GOLM1: variants seen among roughly 807,000 people sequenced by gnomAD.
The protein encoded by GOLM1 is golgi membrane protein 1, also known as epididymis luminal protein 46.
GOLM1 carries 31 observed loss-of-function variants against 50.5 expected under a neutral mutation model. That is an observed-to-expected ratio of 0.61 (90% confidence interval 0.46 to 0.83). GOLM1 has a LOEUF of 0.83. Among genes scored for constraint, GOLM1 ranks in the 40% least tolerant of loss-of-function variants. The pLI is 0.00. For synonymous variants in GOLM1, 178 were observed against 192.8 expected (o/e 0.92, Z 0.64); for missense variants, 491 against 501.3 (o/e 0.98, Z 0.20).
rs915133258 is a variant in GOLM1 at position 86,026,941 on chromosome 9, A to G, written c.*876T>C. The G allele has an allele frequency of 8.1e-6, 8 of 985,128 alleles. No homozygotes were observed. Among genetic ancestry groups the G allele is most frequent in the Non-Finnish European group, 9.6e-6 (8 of 829,794 alleles). 61.0% of individuals were successfully genotyped at this position (985,128 alleles called of 1,614,324 possible). A position where few individuals can be genotyped will look rare whatever the true frequency, so the allele number is the denominator to read the frequency against. The stretch of plus-strand genomic sequence containing the variant: ...TTGTTTTCTTTTACTCCAGTAATAA[A>G]GTAGGCACAGATCTGTCCACAACAA... On this transcript the variant is annotated 3_prime_UTR_variant, in exon 10 of 10. Coordinates refer to ENST00000388712, the MANE Select transcript of GOLM1 (RefSeq NM_016548.4).
At chr9:86,031,492 A>G (rs1587692118) in intron 9 of GOLM1, among the ~76,000 whole-genome samples, 1 of 105,758 alleles carries the variant, frequency 9.5e-6, no homozygotes, top group Admixed American at 1.5e-4. Context: ...ACGGAGTTTC[A>G]CTCTTCTTGC....
intron 3 of GOLM1, among the ~76,000 whole-genome samples, chr9:86,060,541 A>T (rs1457647492): frequency 6.6e-6 from 1 of 152,126 alleles, no homozygotes; most frequent in Non-Finnish European, 1.5e-5. Flanking sequence ...AGTCCAGTCC[A>T]CAAGCCCCTA....
rs532463555 is a variant in GOLM1 at position 86,094,382 on chromosome 9, T to C, written c.-22+5029A>G. Among the ~76,000 whole-genome samples the C allele has an allele frequency of 1.9e-4, 29 of 152,332 alleles. 1 individual carries two copies. In the South Asian group the frequency reaches 5.0e-3, roughly 26 times the overall value. ...ATTGGGATTAAATGACCAAGGTCAC[T>C]GTGTTCTGCTTAAATTGCTTTAAAA... On this transcript the variant is annotated intron_variant, in intron 1 of 9. Coordinates refer to ENST00000388712, the MANE Select transcript of GOLM1 (RefSeq NM_016548.4).
intron 3 of GOLM1, 90 bp from the exon 4 acceptor site, chr9:86,052,681 C>T (rs1833795022): frequency 1.0e-5 from 11 of 1,058,774 alleles, no homozygotes; most frequent in Middle Eastern, 2.0e-4. Context: ...GGGGCCTGTC[C>T]CCAACCCAGC....
intron 3 of GOLM1, among the ~76,000 whole-genome samples, chr9:86,069,188 AGT>A (rs142478850): frequency 0.022 from 3,304 of 152,068 alleles, 135 homozygotes; most frequent in African/African-American, 0.075. Flanking sequence ...CTAATTTCTG[AGT>A]GAGAACTACA....
chr9:86,026,716 A>C lies in GOLM1; in HGVS notation c.*1101T>G. 1.0e-6 allele frequency: 1 copy of C among 981,836 alleles called. No homozygotes were observed. The highest frequency in any genetic ancestry group is 1.7e-5 in the African/African-American group (1 of 57,268). The allele number at this position is 981,836 out of a possible 1,614,324, so 60.8% of individuals were successfully genotyped here. ...AATACTAAGAACCAACTCAAGTCAA[A>C]CCTTAATGCCATTGTTATTGTGAAT... On this transcript the variant is annotated 3_prime_UTR_variant, in exon 10 of 10. Transcript: ENST00000388712.
At chr9:86,056,627 T>A (rs185413398) in intron 3 of GOLM1, among the ~76,000 whole-genome samples, 222 of 151,658 alleles carry the variant, frequency 1.5e-3, no homozygotes, top group Non-Finnish European at 2.5e-3. Context: ...TGCCTCAGCC[T>A]CCTGAGTAGC....
intron 9 of GOLM1, among the ~76,000 whole-genome samples, chr9:86,031,794 AAAT>A (rs1196199095): frequency 6.6e-6 from 1 of 151,788 alleles, no homozygotes; most frequent in Non-Finnish European, 1.5e-5. Flanking sequence ...TCCAATTAAC[AAAT>A]AACATAAAAA....
At chr9:86,055,968 C>G (rs1833971681) in intron 3 of GOLM1, among the ~76,000 whole-genome samples, 1 of 119,976 alleles carries the variant, frequency 8.3e-6, no homozygotes, top group Non-Finnish European at 1.7e-5. Flanking sequence ...GAAAACCGAA[C>G]AGTAAAAAAA....
intron 2 of GOLM1, 21 bp downstream of exon 2, chr9:86,079,171 A>T (rs752641534): frequency 6.6e-7 from 1 of 1,503,910 alleles, no homozygotes; most frequent in African/African-American, 1.4e-5. Flanking sequence ...AATAAACATA[A>T]CAATAAAGAA....
intron 1 of GOLM1, among the ~76,000 whole-genome samples, chr9:86,082,942 A>G (rs1834830328): frequency 6.6e-6 from 1 of 152,214 alleles, no homozygotes; most frequent in South Asian, 2.1e-4. Context: ...TCTTAGTAAC[A>G]CATCTTGCCT....
At chr9:86,055,430 C>T (rs566308901) in intron 3 of GOLM1, among the ~76,000 whole-genome samples, 57 of 152,306 alleles carry the variant, frequency 3.7e-4, no homozygotes, top group African/African-American at 1.4e-3. Context: ...CACAACCCCA[C>T]TTGTGGGTAT....
rs1832829183 is a variant in GOLM1, at chr9:86,027,707, A to G, written c.*110T>C. On this transcript the variant is annotated 3_prime_UTR_variant, in exon 10 of 10. Transcript: ENST00000388712. Reference sequence around the variant, plus strand: ...CTAAAATTTCACAATAATCATCTTCAGATGTACATTTTATTTAGTACATTT... The same window carrying G: ...CTAAAATTTCACAATAATCATCTTCGGATGTACATTTTATTTAGTACATTT... 43 of 1,451,386 alleles carry G rather than the reference A, an allele frequency of 3.0e-5. No homozygotes were observed. Among genetic ancestry groups the G allele is most frequent in the Non-Finnish European group, 3.9e-5 (43 of 1,100,972 alleles). The allele number at this position is 1,451,386 out of a possible 1,614,324, so 89.9% of individuals were successfully genotyped here.
intron 3 of GOLM1, among the ~76,000 whole-genome samples, chr9:86,067,057 T>G (rs957597540): frequency 2.0e-4 from 31 of 152,312 alleles, no homozygotes; most frequent in African/African-American, 6.3e-4. Flanking sequence ...TGCCTTAGCC[T>G]CCCAAGTAGC....
chr9:86,053,293 CCA>C (rs1206646918), intron 3 of GOLM1, among the ~76,000 whole-genome samples: 1 of 141,372 alleles, frequency 7.1e-6, no homozygotes, highest in Non-Finnish European at 1.5e-5. Flanking sequence ...CCATTCCACA[CCA>C]CACACCACAC....
At chr9:86,044,051 T>C (rs1359670988) in intron 5 of GOLM1, among the ~76,000 whole-genome samples, 1 of 152,218 alleles carries the variant, frequency 6.6e-6, no homozygotes, top group Non-Finnish European at 1.5e-5. Flanking sequence ...TAGCACTGTA[T>C]ATGTTTTAGG....
intron 1 of GOLM1, among the ~76,000 whole-genome samples, chr9:86,083,541 C>T (rs970842332): frequency 6.6e-6 from 1 of 152,230 alleles, no homozygotes; most frequent in African/African-American, 2.4e-5. Context: ...GCCACCACCA[C>T]ACCCAGCTAG....
At chr9:86,046,412 C>G in intron 5 of GOLM1, 58 bp downstream of exon 5, 1 of 1,021,920 alleles carries the variant, frequency 9.8e-7, no homozygotes, top group Non-Finnish European at 1.5e-6. Flanking sequence ...CAGCTTAATC[C>G]CCGCCTCCCA....
At chr9:86,082,640 T>C (rs1049673130) in intron 1 of GOLM1, among the ~76,000 whole-genome samples, 2 of 151,694 alleles carry the variant, frequency 1.3e-5, no homozygotes, top group African/African-American at 4.8e-5. Context: ...GGGGTCTCAC[T>C]ATGTTGCTCA....
Sources: gnomAD v4.1 joint callset for allele counts (sites outside exome capture counted in the v4.1 genomes callset) on GRCh38, gnomAD v4.1.1 for gene constraint, MANE v1.5 for transcripts, NCBI Gene and HGNC (gene_info 2026-07-23, HGNC 2026-07-21) for gene names.